The following CBX7 variants were observed in gnomAD, a reference collection of about 807,000 sequenced individuals.
CBX7 encodes the protein chromobox 7, also known as chromobox protein homolog 7.
Under a neutral mutation model 31.4 loss-of-function variants are expected in CBX7, and 14 were observed. The ratio of observed to expected loss-of-function variants is 0.45; its 90% CI spans 0.29 to 0.70. The LOEUF is 0.70. CBX7 is among the 30% of genes least tolerant of loss of function. The pLI is 0.11. For synonymous variants in CBX7, 159 were observed against 152.6 expected, an observed-to-expected ratio of 1.04 and a Z score of -0.31; for missense variants, 269 against 351.9, an observed-to-expected ratio of 0.76 and a Z score of 1.89.
chr22:39,137,012 C>A (rs958506869), intron 4 of CBX7, among the ~76,000 whole-genome samples: 4 of 152,218 alleles, frequency 2.6e-5, no homozygotes. Flanking sequence ...ACCAAGAATC[C>A]TGACTTTCTG....
rs746638756 is a variant in CBX7 at position 39,138,621 on chromosome 22, AG to A, written c.246+14del. The A allele has an allele frequency of 8.1e-6, 13 of 1,613,322 alleles. No homozygotes were observed. The Admixed American group carries it at 2.2e-4, about 27-fold the overall frequency. On this transcript the variant is annotated intron_variant, in intron 4 of 5. Transcript: ENST00000216133. The stretch of plus-strand genomic sequence containing the variant: ...GGGCAGGGGGAGAAAGGAGGCACAA[AG>A]GCAGGCTGGTTACCTGCAGCAGAAG...
chr22:39,139,086 C>T (rs1030857042), intron 3 of CBX7, among the ~76,000 whole-genome samples: 1 of 152,092 alleles, frequency 6.6e-6, no homozygotes, highest in African/African-American at 2.4e-5. Flanking sequence ...ATCCAATTTA[C>T]CTTGAATGTC....
intron 2 of CBX7, chr22:39,147,319 G>A (rs1930697214): frequency 6.6e-6 from 1 of 152,052 alleles, no homozygotes; most frequent in Admixed American, 6.6e-5. Context: ...GCCCACCTCA[G>A]TCTCCCAAAA....
chr22:39,151,239 A>G (rs1467454231), intron 1 of CBX7, among the ~76,000 whole-genome samples: 1 of 152,182 alleles, frequency 6.6e-6, no homozygotes, highest in Non-Finnish European at 1.5e-5. Flanking sequence ...CCCTAGGAAA[A>G]AGGAGAAGGA....
intron 2 of CBX7, among the ~76,000 whole-genome samples, chr22:39,142,665 A>T (rs977016059): frequency 6.6e-6 from 1 of 152,336 alleles, no homozygotes; most frequent in South Asian, 2.1e-4. Context: ...TTTGGTTTAA[A>T]TTATTTTAAA....
chr22:39,136,451 T>G (rs2146353517), intron 4 of CBX7: 1 of 152,744 alleles, frequency 6.5e-6, no homozygotes, highest in Admixed American at 6.5e-5. Context: ...TCACCCACTC[T>G]GGGAAGCTGG....
rs1412742570 is a variant in CBX7 at position 39,131,149 on chromosome 22, T to C, written c.*2742A>G. ...CCAGAACAAGGGGACAGGAGGAGCT[T>C]GGCAACGAGGTCATCACCCGAACAG... On this transcript the variant is annotated 3_prime_UTR_variant, in exon 6 of 6. Transcript: ENST00000216133. 1 of 152,532 alleles carries C rather than the reference T, an allele frequency of 6.6e-6. No homozygotes were observed. The highest frequency in any genetic ancestry group is 1.5e-5 in the Non-Finnish European group (1 of 68,038). 9.4% of individuals were successfully genotyped at this position (152,532 alleles called of 1,614,324 possible). A position where few individuals can be genotyped will look rare whatever the true frequency, so the allele number is the denominator to read the frequency against.
chr22:39,133,773 T>C lies in CBX7; in HGVS notation c.*118A>G, dbSNP rs1406673145. 3 of 1,029,274 alleles carry C rather than the reference T, an allele frequency of 2.9e-6. No individual in the cohort carries two copies. The highest frequency in any genetic ancestry group is 5.9e-5 in the East Asian group (2 of 33,914). The allele number at this position is 1,029,274 out of a possible 1,614,324, so 63.8% of individuals were successfully genotyped here. A position where few individuals can be genotyped will look rare whatever the true frequency, so the allele number is the denominator to read the frequency against. On this transcript the variant is annotated 3_prime_UTR_variant, in exon 6 of 6. Coordinates refer to ENST00000216133, the MANE Select transcript of CBX7 (RefSeq NM_175709.5). ...GGAGAGTAGTGGGATCTTCTCCCCT[T>C]TTGCTGCTCGGTATTTTTTTAAATA...
intron 4 of CBX7, chr22:39,135,074 C>T (rs561013221): frequency 6.7e-4 from 226 of 335,248 alleles, no homozygotes; most frequent in African/African-American, 4.3e-3. Flanking sequence ...AATCTGGATG[C>T]ATTAAGGAGT....
rs572699757 is a variant in CBX7 at position 39,133,713 on chromosome 22, G to A, written c.*178C>T. 662 of 580,108 alleles carry A rather than the reference G, an allele frequency of 1.1e-3. 1 individual carries two copies. Among genetic ancestry groups the A allele is most frequent in the Non-Finnish European group, 1.6e-3 (566 of 353,576 alleles). The allele number at this position is 580,108 out of a possible 1,614,324, so 35.9% of individuals were successfully genotyped here. A position where few individuals can be genotyped will look rare whatever the true frequency, so the allele number is the denominator to read the frequency against. On this transcript the variant is annotated 3_prime_UTR_variant, in exon 6 of 6. Coordinates refer to ENST00000216133, the MANE Select transcript of CBX7 (RefSeq NM_175709.5). ...CTCTCCATCCCCAGCCTGAGGCCTCGTGGTAAACGTCCCTCAGAGAAAGGG... is the reference window on the plus strand; with the variant it reads ...CTCTCCATCCCCAGCCTGAGGCCTCATGGTAAACGTCCCTCAGAGAAAGGG...
rs189861152 is a variant in CBX7, at chr22:39,132,940, G to A, written c.*951C>T. 606 of 152,590 alleles carry A rather than the reference G, an allele frequency of 4.0e-3. 7 individuals carry two copies. Among genetic ancestry groups the A allele is most frequent in the Non-Finnish European group, 4.5e-3 (304 of 68,134 alleles). The allele number at this position is 152,590 out of a possible 1,614,324, so 9.5% of individuals were successfully genotyped here. On this transcript the variant is annotated 3_prime_UTR_variant, in exon 6 of 6. Transcript: ENST00000216133. The stretch of plus-strand genomic sequence containing the variant: ...CTTAGCAGACGCCTGCACACCCGCA[G>A]CCTGGCCCGGTGCAGCCGAGAAACC...
Position 39,134,031 on chromosome 22 carries a change from C to A in CBX7, c.616G>T (p.Glu206Ter), listed in dbSNP as rs758040396. The A allele has an allele frequency of 6.2e-7, 1 of 1,603,450 alleles. No homozygotes were observed. Among genetic ancestry groups the A allele is most frequent in the South Asian group, 1.1e-5 (1 of 90,582 alleles). Reference protein sequence around the residue: ...PEEEADADLAEGPPPWTPALP... With the variant: ...PEEEADADLA ...GCAGGTGTCCAGGGAGGGGGCCCCT[C>A]GGCCAGGTCGGCATCTGCTGCAGCG... Residue 206 changes from glutamate (E) to a stop codon, truncating the protein, a stop_gained, in exon 6 of 6, where the codon GAG (glutamate) becomes TAG (stop). Coordinates refer to ENST00000216133, the MANE Select transcript of CBX7 (RefSeq NM_175709.5). LOFTEE classifies it high-confidence loss of function.
chr22:39,145,857 C>A (rs191684752), intron 2 of CBX7, among the ~76,000 whole-genome samples: 2,142 of 151,932 alleles, frequency 0.014, 48 homozygotes, highest in African/African-American at 0.049. Context: ...GCGCAGGGCT[C>A]GCCCTGCTGC....
chr22:39,144,619 C>T (rs992328498), intron 2 of CBX7, among the ~76,000 whole-genome samples: 1 of 152,162 alleles, frequency 6.6e-6, no homozygotes, highest in South Asian at 2.1e-4. Flanking sequence ...ACCCTTCCTC[C>T]CCCCGGAAAA....
chr22:39,145,831 C>G (rs1930639787), intron 2 of CBX7, among the ~76,000 whole-genome samples: 1 of 151,804 alleles, frequency 6.6e-6, no homozygotes, highest in Non-Finnish European at 1.5e-5. Context: ...CCCGGCCGCC[C>G]AGCCAAAGCC....
intron 2 of CBX7, chr22:39,148,311 A>T (rs532126069): frequency 6.6e-6 from 1 of 152,380 alleles, no homozygotes; most frequent in African/African-American, 2.4e-5. Flanking sequence ...TCCAGGATCA[A>T]TCAAAGTGGG....
chr22:39,132,108 T>C lies in CBX7; in HGVS notation c.*1783A>G, dbSNP rs1930063606. 6.6e-6 allele frequency: 1 copy of C among 152,218 alleles called. No homozygotes were observed. The highest frequency in any genetic ancestry group is 2.4e-5 in the African/African-American group (1 of 41,410). 9.4% of individuals were successfully genotyped at this position (152,218 alleles called of 1,614,324 possible). A position where few individuals can be genotyped will look rare whatever the true frequency, so the allele number is the denominator to read the frequency against. On this transcript the variant is annotated 3_prime_UTR_variant, in exon 6 of 6. Transcript: ENST00000216133. The stretch of plus-strand genomic sequence containing the variant: ...ACTGTCCCCCAATGGAAGCACTGAA[T>C]TGACCGTGGACAACTAAAGATCGAG...
intron 2 of CBX7, among the ~76,000 whole-genome samples, chr22:39,143,329 T>C (rs1212067167): frequency 6.6e-6 from 1 of 151,976 alleles, no homozygotes; most frequent in Non-Finnish European, 1.5e-5. Context: ...AATTAAACTT[T>C]TTTAAATAGA....
chr22:39,144,815 C>T (rs933155323), intron 2 of CBX7, among the ~76,000 whole-genome samples: 4 of 152,262 alleles, frequency 2.6e-5, no homozygotes, highest in Admixed American at 2.0e-4. Flanking sequence ...ACAGTAACAG[C>T]AGGTGTGCGG....
Sources: gnomAD v4.1 joint callset for allele counts (sites outside exome capture counted in the v4.1 genomes callset) on GRCh38, gnomAD v4.1.1 for gene constraint, MANE v1.5 for transcripts, NCBI Gene and HGNC (gene_info 2026-07-23, HGNC 2026-07-21) for gene names.